Variants in TRANK1 observed in about 807,000 individuals in gnomAD.
TRANK1 encodes the protein tetratricopeptide repeat and ankyrin repeat containing 1.
In TRANK1, 198 loss-of-function variants were observed where a neutral mutation model predicts 266.0. That is an observed-to-expected ratio of 0.74 (90% CI 0.66 to 0.84). TRANK1 has a LOEUF of 0.84. TRANK1 is among the 40% of genes least tolerant of loss of function. The probability of loss-of-function intolerance (pLI) is 0.00; values close to 1 mark genes in which losing one functional copy is unlikely to be tolerated. For missense variants in TRANK1, 3,326 were observed against 3,634.6 expected, an observed-to-expected ratio of 0.92 and a Z score of 2.18; for synonymous variants, 1,396 against 1,384.1, an observed-to-expected ratio of 1.01 and a Z score of -0.19.
intron 1 of TRANK1, among the ~76,000 whole-genome samples, chr3:36,918,875 A>T (rs940494660): frequency 2.0e-5 from 3 of 152,170 alleles, no homozygotes; most frequent in South Asian, 4.1e-4. Context: ...AGCAGCCAAG[A>T]TACTAATTAC....
chr3:36,848,252 A>G (rs2078941100), intron 15 of TRANK1, among the ~76,000 whole-genome samples: 1 of 152,144 alleles, frequency 6.6e-6, no homozygotes, highest in Non-Finnish European at 1.5e-5. Flanking sequence ...TATACCATAA[A>G]ATATTATTCT....
chr3:36,883,576 T>C (rs560280892), intron 8 of TRANK1, among the ~76,000 whole-genome samples: 2 of 150,232 alleles, frequency 1.3e-5, no homozygotes, highest in South Asian at 2.1e-4. Context: ...CATGTGTGTG[T>C]TCATTGCTGC....
In TRANK1 at chr3:36,856,253, C is replaced by G. The variant is rs1011973469; in HGVS notation, c.3469G>C (p.Glu1157Gln). ...GCTCCTCCTGCGCAGGCTTCATACT[C>G]CTGCTCATCTATGCTTTCTACTGTT... ...VETVESIDEQ[E>Q]YEACAGGAGV... Residue 1157 changes from glutamate to glutamine, a missense_variant, in exon 13 of 24, where the codon GAG (glutamate) becomes CAG (glutamine). Transcript: ENST00000645898. 6.2e-6 allele frequency: 10 copies of G among 1,611,498 alleles called. No individual in the cohort carries two copies. The highest frequency in any genetic ancestry group is 7.6e-6 in the Non-Finnish European group (9 of 1,178,564).
chr3:36,891,936 G>A (rs568605520), intron 7 of TRANK1, among the ~76,000 whole-genome samples: 37 of 152,290 alleles, frequency 2.4e-4, no homozygotes, highest in Non-Finnish European at 2.9e-5. Flanking sequence ...TCCCTTCCAT[G>A]GGTCCCAGGG....
rs781242370 is a variant in TRANK1 at position 36,832,281 on chromosome 3, C to G, written c.7302G>C (p.Met2434Ile). The G allele has an allele frequency of 6.2e-7, 1 of 1,613,956 alleles. No homozygotes were observed. The highest frequency in any genetic ancestry group is 8.5e-7 in the Non-Finnish European group (1 of 1,179,876). ...CTTTGCACCTCTTGATGAGGACATTCATGAAACGGAAAAAGAGCCTCTTGT... is the reference window on the plus strand; with the variant it reads ...CTTTGCACCTCTTGATGAGGACATTGATGAAACGGAAAAAGAGCCTCTTGT... ...EDYKRLFFRF[M>I]NVLIKRCKEP... The change falls in exon 22 of 24, where the codon ATG becomes ATC. Residue 2434 changes from methionine (M) to isoleucine (I), a missense_variant. Transcript: ENST00000645898.
chr3:36,874,676 G>A (rs1369231122), intron 8 of TRANK1, among the ~76,000 whole-genome samples: 2 of 152,052 alleles, frequency 1.3e-5, no homozygotes, highest in African/African-American at 2.4e-5. Context: ...ATTCTTCCAG[G>A]AGAAAAGTCT....
At chr3:36,874,930 G>A (rs1209805016) in intron 8 of TRANK1, among the ~76,000 whole-genome samples, 1 of 151,204 alleles carries the variant, frequency 6.6e-6, no homozygotes, top group Non-Finnish European at 1.5e-5. Context: ...ATGACTCAAT[G>A]CCTAATCTCC....
chr3:36,849,529 A>G, intron 15 of TRANK1, among the ~76,000 whole-genome samples: 1 of 152,202 alleles, frequency 6.6e-6, no homozygotes, highest in East Asian at 1.9e-4. Flanking sequence ...AGCCCAGATA[A>G]CAGCTGCTTC....
In TRANK1 at chr3:36,829,652, C is replaced by T. The variant is rs752488478; in HGVS notation, c.8721G>A (p.Ala2907=). The T allele has an allele frequency of 5.6e-6, 9 of 1,613,760 alleles. No individual in the cohort carries two copies. The South Asian group carries it at 6.6e-5, about 12-fold the overall frequency. The change falls in exon 23 of 24, where the codon GCG becomes GCA. Residue 2907 remains alanine, a synonymous_variant. Transcript: ENST00000645898. ...TCAGAATGTTGACCAGCCGAGTCAT[C>T]GCCTCCTCCGCTTCAGAAACCAAAG... ...RRKAWAGAEE[A]MTRLVNILIL...
intron 18 of TRANK1, among the ~76,000 whole-genome samples, chr3:36,839,417 T>C (rs1353306826): frequency 6.6e-6 from 1 of 152,206 alleles, no homozygotes; most frequent in Non-Finnish European, 1.5e-5. Context: ...ACATTAGGTC[T>C]CAGTGTGGGC....
chr3:36,900,529 C>A (rs1401811092), intron 3 of TRANK1, among the ~76,000 whole-genome samples: 2 of 151,994 alleles, frequency 1.3e-5, no homozygotes, highest in African/African-American at 2.4e-5. Flanking sequence ...TTGCCTACCC[C>A]ACGTTGATCA....
At chr3:36,909,734 A>C (rs2080024935) in intron 1 of TRANK1, among the ~76,000 whole-genome samples, 1 of 152,212 alleles carries the variant, frequency 6.6e-6, no homozygotes. Flanking sequence ...TATTTTAAAC[A>C]ATTTGACTTC....
intron 1 of TRANK1, among the ~76,000 whole-genome samples, chr3:36,914,626 A>ATTAT (rs146080846): frequency 0.011 from 1,680 of 151,134 alleles, 28 homozygotes; most frequent in African/African-American, 0.033. Context: ...ATTTTTCTAG[A>ATTAT]TTATTTATTT....
chr3:36,829,542 C>A (rs1259465204), intron 23 of TRANK1, 22 bp downstream of exon 23: 7 of 1,613,006 alleles, frequency 4.3e-6, no homozygotes, highest in Non-Finnish European at 5.1e-6. Context: ...TGTTACCTGT[C>A]CCCACAATCA....
rs2078928048 is a variant in TRANK1 at position 36,847,272 on chromosome 3, C to G, written c.4962G>C (p.Leu1654Phe). 3.1e-6 allele frequency: 5 copies of G among 1,613,466 alleles called. No homozygotes were observed. The highest frequency in any genetic ancestry group is 4.2e-6 in the Non-Finnish European group (5 of 1,179,738). The change falls in exon 16 of 24, where the codon TTG becomes TTC. Residue 1654 changes from leucine (L) to phenylalanine (F), a missense_variant. Leu to Phe is a conservative substitution (Grantham distance 22). Transcript: ENST00000645898. ...CTGGTTTGTCCAGGGGTACTTCAAC[C>G]AATGGCCGGTTTTCCTCTCTGGAGT... is the stretch of plus-strand genomic sequence containing the variant. ...STDSREENRP[L>F]VEVPLDKPGS...
At chr3:36,931,269 T>TA (rs144882672) in intron 1 of TRANK1, among the ~76,000 whole-genome samples, 34,475 of 148,970 alleles carry the variant, frequency 0.23, 4,851 homozygotes, top group Non-Finnish European at 0.33. Context: ...TATTAAGTGT[T>TA]AAAAAAAAAA....
At chr3:36,863,189 C>T (rs182364818) in intron 10 of TRANK1, among the ~76,000 whole-genome samples, 1 of 152,200 alleles carries the variant, frequency 6.6e-6, no homozygotes, top group East Asian at 1.9e-4. Flanking sequence ...CACACCAACA[C>T]TCACAATACC....
chr3:36,857,466 G>C lies in TRANK1; in HGVS notation c.2256C>G (p.Asp752Glu), dbSNP rs1395148186. ...CCAGAGGCTCAGAGCTCTGAAGACA[G>C]TCCTCTGGGAAAGACGGATCCACTT... ...QVEVDPSFPE[D>E]CLQSSEPLEA... The change falls in exon 13 of 24, where the codon GAC becomes GAG. Residue 752 changes from aspartate (D) to glutamate (E), a missense_variant. Transcript: ENST00000645898. This position sits in a 1 kb window ranked among gnomAD's most constrained non-coding sequence, Gnocchi z 4.3. 6.2e-7 allele frequency: 1 copy of C among 1,613,956 alleles called. No individual in the cohort carries two copies. Among genetic ancestry groups the C allele is most frequent in the East Asian group, 2.2e-5 (1 of 44,880 alleles).
Position 36,832,426 on chromosome 3 carries a change from T to C in TRANK1, c.7157A>G (p.Lys2386Arg), listed in dbSNP as rs2078709166. The C allele has an allele frequency of 3.1e-6, 5 of 1,613,874 alleles. No homozygotes were observed. The highest frequency in any genetic ancestry group is 4.2e-6 in the Non-Finnish European group (5 of 1,179,902). ...RGSRIKGIEG[K>R]FGMLAPNRDD... Reference sequence around the variant, plus strand: ...CCTGTTGGGTGCCAGCATGCCAAATTTCCCTTCTATTCCTTTTATCCTGCT... The same window carrying C: ...CCTGTTGGGTGCCAGCATGCCAAATCTCCCTTCTATTCCTTTTATCCTGCT... Residue 2386 changes from lysine to arginine, a missense_variant, in exon 22 of 24, where the codon AAA becomes AGA. Transcript: ENST00000645898.
Sources: allele counts gnomAD v4.1 joint callset (sites outside exome capture counted in the v4.1 genomes callset), GRCh38; gene constraint gnomAD v4.1.1; non-coding constraint Gnocchi (gnomAD v3.1); transcripts MANE v1.5; gene names NCBI Gene and HGNC (gene_info 2026-07-23, HGNC 2026-07-21).